CCSER1: variants seen among roughly 807,000 people sequenced by gnomAD.
CCSER1 encodes serine-rich coiled-coil domain-containing protein 1.
A neutral mutation model predicts 82.0 loss-of-function variants in CCSER1; 41 were observed. That is an observed-to-expected ratio of 0.50 (90% confidence interval 0.39 to 0.65). The LOEUF is 0.65. Among genes scored for constraint, CCSER1 ranks in the 30% least tolerant of loss-of-function variants. The pLI is 0.00. For missense variants in CCSER1, 1,119 were observed against 1,064.2 expected, an observed-to-expected ratio of 1.05 and a Z score of -0.72; for synonymous variants, 414 against 383.9, an observed-to-expected ratio of 1.08 and a Z score of -0.92.
chr4:90,301,592 T>C (rs1474357224), intron 1 of CCSER1, among the ~76,000 whole-genome samples: 2 of 152,162 alleles, frequency 1.3e-5, no homozygotes, highest in African/African-American at 4.8e-5. Context: ...ACTTCTCTTA[T>C]GTAACAAATT....
chr4:91,549,746 G>T (rs1172090228), intron 10 of CCSER1, among the ~76,000 whole-genome samples: 1 of 152,030 alleles, frequency 6.6e-6, no homozygotes, highest in East Asian at 1.9e-4. Context: ...GAGGCAGAAG[G>T]ATCGCTTGAG....
At chr4:90,551,704 C>CTCTCTG (rs1553940936) in intron 5 of CCSER1, among the ~76,000 whole-genome samples, 2 of 107,574 alleles carry the variant, frequency 1.9e-5, no homozygotes, top group Non-Finnish European at 3.6e-5. Flanking sequence ...CTCTCTCTCT[C>CTCTCTG]TCTATATATA....
At chr4:91,075,506 C>T (rs1197328458) in intron 9 of CCSER1, among the ~76,000 whole-genome samples, 1 of 152,056 alleles carries the variant, frequency 6.6e-6, no homozygotes, top group East Asian at 1.9e-4. Flanking sequence ...AATTAAAATT[C>T]TGTGAATCTT....
intron 10 of CCSER1, among the ~76,000 whole-genome samples, chr4:91,129,273 T>C (rs182257049): frequency 6.6e-6 from 1 of 152,102 alleles, no homozygotes; most frequent in East Asian, 1.9e-4. Context: ...TAAGAAAATA[T>C]ATGTTTCAAT....
intron 10 of CCSER1, among the ~76,000 whole-genome samples, chr4:91,178,801 T>C (rs1316614753): frequency 6.6e-6 from 1 of 152,158 alleles, no homozygotes; most frequent in African/African-American, 2.4e-5. Context: ...ATTTAGTCCA[T>C]TTAAGGTTAA....
At chr4:90,956,969 G>A (rs1733508194) in intron 9 of CCSER1, among the ~76,000 whole-genome samples, 2 of 141,230 alleles carry the variant, frequency 1.4e-5, no homozygotes, top group Admixed American at 7.4e-5. Flanking sequence ...TGTAGAGACA[G>A]GATCTCACTA....
rs545854281 is a variant in CCSER1 at position 91,483,095 on chromosome 4, A to AT, written c.2218-115476dup. On this transcript the variant is annotated intron_variant, in intron 10 of 10. Coordinates refer to ENST00000509176, the MANE Select transcript of CCSER1 (RefSeq NM_001145065.2). The stretch of plus-strand genomic sequence containing the variant: ...GTACCCTAGAACTTAAAGTATAATA[A>AT]TAAAAAAAAGGAAAGAAAGAAAAAA... Among the ~76,000 whole-genome samples, 155 of 149,352 alleles carry AT rather than the reference A, an allele frequency of 1.0e-3. No homozygotes were observed. In the South Asian group the frequency reaches 0.011, roughly 10 times the overall value.
intron 4 of CCSER1, among the ~76,000 whole-genome samples, chr4:90,455,765 A>T (rs1762083461): frequency 6.6e-6 from 1 of 152,132 alleles, no homozygotes; most frequent in African/African-American, 2.4e-5. Flanking sequence ...GGTAACCTTT[A>T]AATTCCCTAG....
intron 10 of CCSER1, among the ~76,000 whole-genome samples, chr4:91,177,304 G>T (rs764303994): frequency 1.3e-5 from 2 of 152,164 alleles, no homozygotes; most frequent in Non-Finnish European, 2.9e-5. Context: ...TCTCTGCCAG[G>T]CTTTGGTATC....
intron 8 of CCSER1, among the ~76,000 whole-genome samples, chr4:90,889,776 A>G (rs1018254354): frequency 6.6e-6 from 1 of 152,156 alleles, no homozygotes; most frequent in African/African-American, 2.4e-5. Flanking sequence ...TTCTAACAAG[A>G]TATATGTGTA....
chr4:91,180,525 C>T (rs549675941), intron 10 of CCSER1, among the ~76,000 whole-genome samples: 1 of 152,358 alleles, frequency 6.6e-6, no homozygotes, highest in African/African-American at 2.4e-5. Context: ...GCCCCTTCCC[C>T]AGCCTGGCTG....
At chr4:90,372,382 G>A (rs150234415) in intron 3 of CCSER1, among the ~76,000 whole-genome samples, 2 of 152,308 alleles carry the variant, frequency 1.3e-5, no homozygotes, top group East Asian at 3.9e-4. Context: ...GAAGGATAAT[G>A]TAAGTGAAGG....
intron 7 of CCSER1, among the ~76,000 whole-genome samples, chr4:90,799,352 GGACA>G (rs1756477116): frequency 6.6e-6 from 1 of 152,158 alleles, no homozygotes; most frequent in South Asian, 2.1e-4. Context: ...GGAGGGTGGG[GGACA>G]GACAGTCTGT....
intron 8 of CCSER1, among the ~76,000 whole-genome samples, chr4:90,839,478 A>G (rs1358798710): frequency 6.6e-6 from 1 of 152,214 alleles, no homozygotes; most frequent in Non-Finnish European, 1.5e-5. Flanking sequence ...GCATATGCCA[A>G]CTGAACTTGC....
intron 5 of CCSER1, among the ~76,000 whole-genome samples, chr4:90,509,039 C>T (rs184004585): frequency 1.3e-5 from 2 of 152,026 alleles, no homozygotes; most frequent in Admixed American, 1.3e-4. Flanking sequence ...ATAAATCACA[C>T]ACACCCATTT....
In CCSER1 at chr4:90,233,027, G is replaced by A. The variant is rs955187587; in HGVS notation, c.-41-75217G>A. ...AGGAACACTTTGACACTGTTGGTGG[G>A]ACTGTAAGCTAGTTCAACCATTGTG... On this transcript the variant is annotated intron_variant, in intron 1 of 10. Transcript: ENST00000509176. Among the ~76,000 whole-genome samples the A allele has an allele frequency of 4.9e-3, 743 of 151,988 alleles. 8 individuals are homozygous for A. The highest frequency in any genetic ancestry group is 0.017 in the African/African-American group (707 of 41,484).
chr4:90,170,058 T>G (rs1369090488), intron 1 of CCSER1, among the ~76,000 whole-genome samples: 1 of 151,980 alleles, frequency 6.6e-6, no homozygotes, highest in Non-Finnish European at 1.5e-5. Flanking sequence ...CCTTATTCAT[T>G]TATTGGTTTC....
At chr4:90,352,766 G>A (rs1187341297) in intron 3 of CCSER1, among the ~76,000 whole-genome samples, 1 of 152,072 alleles carries the variant, frequency 6.6e-6, no homozygotes, top group South Asian at 2.1e-4. Flanking sequence ...TGTTTTTCCT[G>A]TAAAATGGGG....
At chr4:91,193,661 T>A (rs745836994) in intron 10 of CCSER1, among the ~76,000 whole-genome samples, 10 of 152,206 alleles carry the variant, frequency 6.6e-5, no homozygotes, top group Non-Finnish European at 1.3e-4. Context: ...TATTGTTCGA[T>A]CTTGTCATTT....
Sources: gnomAD v4.1 joint callset for allele counts (sites outside exome capture counted in the v4.1 genomes callset) on GRCh38, gnomAD v4.1.1 for gene constraint, MANE v1.5 for transcripts, NCBI Gene and HGNC (gene_info 2026-07-23, HGNC 2026-07-21) for gene names.